The following SYT9 variants were observed in gnomAD, a reference collection of about 807,000 sequenced individuals.
SYT9 encodes the protein synaptotagmin-9.
Under a neutral mutation model 48.4 loss-of-function variants are expected in SYT9, and 22 were observed. The observed-to-expected ratio is 0.45, with a 90% CI of 0.32 to 0.65. The LOEUF is 0.65. SYT9 is among the 30% of genes least tolerant of loss of function. SYT9 has a pLI of 0.03. For missense variants in SYT9, 577 were observed against 622.0 expected, an observed-to-expected ratio of 0.93 and a Z score of 0.77; for synonymous variants, 265 against 245.0, an observed-to-expected ratio of 1.08 and a Z score of -0.76.
At chr11:7,436,725 G>A (rs1434741230) in intron 6 of SYT9, among the ~76,000 whole-genome samples, 1 of 152,190 alleles carries the variant, frequency 6.6e-6, no homozygotes, top group East Asian at 1.9e-4. Flanking sequence ...TACTGTGATC[G>A]AAGCAGACAA....
chr11:7,380,083 A>G (rs1850532443), intron 3 of SYT9, among the ~76,000 whole-genome samples: 1 of 152,192 alleles, frequency 6.6e-6, no homozygotes, highest in African/African-American at 2.4e-5. Context: ...AATGTGGTAC[A>G]TATACACAAT....
At chr11:7,276,795 C>G (rs545165085) in intron 1 of SYT9, among the ~76,000 whole-genome samples, 2 of 152,260 alleles carry the variant, frequency 1.3e-5, no homozygotes, top group African/African-American at 4.8e-5. Flanking sequence ...TGCCTATAAT[C>G]CCAGCAATTT....
intron 2 of SYT9, among the ~76,000 whole-genome samples, chr11:7,311,804 G>A (rs937676920): frequency 1.3e-5 from 2 of 152,178 alleles, no homozygotes; most frequent in African/African-American, 4.8e-5. Flanking sequence ...TCTGCCCACA[G>A]AGTCCAGTAA....
chr11:7,344,363 TA>T (rs1849763951), intron 3 of SYT9, among the ~76,000 whole-genome samples: 1 of 152,092 alleles, frequency 6.6e-6, no homozygotes, highest in Non-Finnish European at 1.5e-5. Flanking sequence ...TTTATTCTCT[TA>T]ACACTTTCTT....
intron 6 of SYT9, among the ~76,000 whole-genome samples, chr11:7,422,576 T>C (rs1003180059): frequency 1.3e-5 from 2 of 152,190 alleles, no homozygotes; most frequent in African/African-American, 4.8e-5. Flanking sequence ...AATAGACTTT[T>C]TGCACCCTTA....
chr11:7,456,961 G>A, intron 6 of SYT9: 1 of 152,150 alleles, frequency 6.6e-6, no homozygotes, highest in Non-Finnish European at 1.5e-5. Context: ...AAGTACTAAA[G>A]TACAAATCTG....
chr11:7,290,671 A>G (rs72855022), intron 1 of SYT9, among the ~76,000 whole-genome samples: 33 of 152,246 alleles, frequency 2.2e-4, no homozygotes, highest in Admixed American at 6.5e-4. Context: ...GAATTTTGTA[A>G]CTCATTAAAT....
intron 6 of SYT9, among the ~76,000 whole-genome samples, chr11:7,461,653 G>A (rs556446127): frequency 3.9e-5 from 6 of 152,218 alleles, no homozygotes; most frequent in Admixed American, 1.3e-4. Flanking sequence ...GATTACAGGC[G>A]TGAGCCACAG....
At chr11:7,376,245 A>G (rs528865704) in intron 3 of SYT9, among the ~76,000 whole-genome samples, 1 of 151,562 alleles carries the variant, frequency 6.6e-6, no homozygotes, top group East Asian at 2.0e-4. Context: ...GTGAAAACCT[A>G]CCTGTTTCTC....
intron 2 of SYT9, among the ~76,000 whole-genome samples, chr11:7,304,004 C>T (rs1848990043): frequency 6.6e-6 from 1 of 152,208 alleles, no homozygotes; most frequent in Non-Finnish European, 1.5e-5. Flanking sequence ...TTATGCTCTT[C>T]AGCAGTAGAG....
chr11:7,312,910 G>A (rs1416556731), intron 2 of SYT9, among the ~76,000 whole-genome samples: 2 of 152,110 alleles, frequency 1.3e-5, no homozygotes, highest in African/African-American at 2.4e-5. Flanking sequence ...ATTTGAACCA[G>A]TAAGAATTTA....
At chr11:7,337,701 CCA>C (rs1400662021) in intron 3 of SYT9, among the ~76,000 whole-genome samples, 2 of 152,008 alleles carry the variant, frequency 1.3e-5, no homozygotes, top group Non-Finnish European at 2.9e-5. Flanking sequence ...ACCTTGCATC[CCA>C]GGGATAAAGC....
intron 3 of SYT9, among the ~76,000 whole-genome samples, chr11:7,387,172 C>T (rs1204264547): frequency 4.0e-5 from 6 of 151,428 alleles, no homozygotes; most frequent in South Asian, 2.1e-4. Context: ...GGGATAGAAG[C>T]GGGGAGGGAT....
chr11:7,299,415 G>A (rs2133931653), intron 1 of SYT9, among the ~76,000 whole-genome samples: 1 of 152,176 alleles, frequency 6.6e-6, no homozygotes, highest in South Asian at 2.1e-4. Flanking sequence ...GTGTGGCTGT[G>A]TAGGTCACTA....
intron 3 of SYT9, among the ~76,000 whole-genome samples, chr11:7,403,792 C>A (rs1364208773): frequency 6.6e-6 from 1 of 151,940 alleles, no homozygotes; most frequent in Non-Finnish European, 1.5e-5. Flanking sequence ...TATTCTATTA[C>A]TGTTTGGTAA....
chr11:7,354,835 G>C (rs59271710), intron 3 of SYT9, among the ~76,000 whole-genome samples: 9,032 of 151,984 alleles, frequency 0.059, 906 homozygotes, highest in African/African-American at 0.21. Context: ...ACCTTCCCAA[G>C]CACAGTGATA....
intron 3 of SYT9, among the ~76,000 whole-genome samples, chr11:7,332,760 A>G (rs1240712327): frequency 1.3e-5 from 2 of 152,188 alleles, no homozygotes; most frequent in African/African-American, 4.8e-5. Context: ...CAGTTAAATT[A>G]TTCCATGGCT....
At chr11:7,429,988 A>T (rs1847535911) in intron 6 of SYT9, among the ~76,000 whole-genome samples, 1 of 152,220 alleles carries the variant, frequency 6.6e-6, no homozygotes, top group Non-Finnish European at 1.5e-5. Context: ...TTGAGCTGAT[A>T]AAGGCACAGT....
intron 2 of SYT9, among the ~76,000 whole-genome samples, chr11:7,310,548 G>A (rs1235311545): frequency 4.0e-5 from 6 of 148,444 alleles, no homozygotes; most frequent in South Asian, 4.2e-4. Context: ...CCAGGTTCAC[G>A]CTGTTCTCCT....
Sources: gnomAD v4.1 joint callset for allele counts (sites outside exome capture counted in the v4.1 genomes callset) on GRCh38, gnomAD v4.1.1 for gene constraint, MANE v1.5 for transcripts, NCBI Gene and HGNC (gene_info 2026-07-23, HGNC 2026-07-21) for gene names.